The following MYOCD variants were observed in gnomAD, a reference collection of about 807,000 sequenced individuals.
MYOCD encodes myocardin.
In MYOCD, 32 loss-of-function variants were observed where a neutral mutation model predicts 96.1. The observed-to-expected ratio is 0.33, with a 90% confidence interval of 0.25 to 0.45. MYOCD has a LOEUF of 0.45. Among genes scored for constraint, MYOCD ranks in the 20% least tolerant of loss-of-function variants. The pLI, the probability that MYOCD is intolerant of heterozygous loss-of-function variation, is 1.00. For synonymous variants in MYOCD, 469 were observed against 469.0 expected (o/e 1.00, Z 0.00); for missense variants, 1,133 against 1,200.6 (o/e 0.94, Z 0.83).
intron 1 of MYOCD, among the ~76,000 whole-genome samples, chr17:12,699,505 T>C (rs2030955859): frequency 6.6e-6 from 1 of 152,214 alleles, no homozygotes; most frequent in Non-Finnish European, 1.5e-5. Context: ...ATGCCCGAAA[T>C]CAGTGTTCCA....
At position 12,746,670 on chromosome 17, in the gene MYOCD, T is replaced by A. The variant is rs895877501; in HGVS notation, c.1125+598T>A. Reference sequence around the variant, plus strand: ...ACACATGCTCAGAATCATTGGCTGGTGAGAGTTACGGTAATTAGTATAGGT... The same window carrying A: ...ACACATGCTCAGAATCATTGGCTGGAGAGAGTTACGGTAATTAGTATAGGT... On this transcript the variant is annotated intron_variant, in intron 9 of 13. Coordinates refer to ENST00000425538, the MANE Select transcript of MYOCD (RefSeq NM_001146312.3). Among the ~76,000 whole-genome samples, 11 of 150,250 alleles carry A rather than the reference T, an allele frequency of 7.3e-5. No individual in the cohort carries two copies. The East Asian group carries it at 2.2e-3, about 30-fold the overall frequency.
chr17:12,674,596 A>G (rs148586377), intron 1 of MYOCD, among the ~76,000 whole-genome samples: 162 of 152,330 alleles, frequency 1.1e-3, no homozygotes, highest in African/African-American at 3.4e-3. Context: ...AAAACAGACA[A>G]TTATTATCAG....
chr17:12,738,035 A>G (rs2032394771), intron 6 of MYOCD, among the ~76,000 whole-genome samples: 1 of 152,200 alleles, frequency 6.6e-6, no homozygotes, highest in African/African-American at 2.4e-5. Context: ...ATTTGTACAC[A>G]TTATTCTGAC....
intron 5 of MYOCD, among the ~76,000 whole-genome samples, chr17:12,724,563 T>C (rs1273586078): frequency 1.3e-5 from 2 of 152,280 alleles, no homozygotes; most frequent in East Asian, 3.9e-4. Flanking sequence ...AATTAATCTA[T>C]AGTCAAATCC....
At chr17:12,749,301 G>A (rs758218896) in intron 9 of MYOCD, among the ~76,000 whole-genome samples, 9 of 152,072 alleles carry the variant, frequency 5.9e-5, no homozygotes, top group Non-Finnish European at 8.8e-5. Flanking sequence ...GCCAAGGTGG[G>A]CGGATCGCTT....
intron 13 of MYOCD, 173 bp downstream of exon 13, chr17:12,760,880 G>A: frequency 1.7e-6 from 1 of 588,490 alleles, no homozygotes; most frequent in East Asian, 2.8e-5. Flanking sequence ...GATAAAAGAA[G>A]GCTTAGTGGA....
chr17:12,712,480 C>T (rs2031510437), intron 2 of MYOCD, among the ~76,000 whole-genome samples: 1 of 152,132 alleles, frequency 6.6e-6, no homozygotes, highest in Non-Finnish European at 1.5e-5. Flanking sequence ...TGTGGTTCCA[C>T]GACCTGTCTT....
At chr17:12,698,653 T>A (rs890442099) in intron 1 of MYOCD, among the ~76,000 whole-genome samples, 1 of 150,658 alleles carries the variant, frequency 6.6e-6, no homozygotes, top group Admixed American at 6.6e-5. Flanking sequence ...AAAAGAAGTA[T>A]GGAAATGAGT....
At chr17:12,670,820 C>A (rs948824857) in intron 1 of MYOCD, among the ~76,000 whole-genome samples, 2 of 152,140 alleles carry the variant, frequency 1.3e-5, no homozygotes, top group Non-Finnish European at 2.9e-5. Flanking sequence ...TATGAGAATA[C>A]AATTTAATGG....
At chr17:12,742,892 C>T (rs1344459319) in intron 7 of MYOCD, among the ~76,000 whole-genome samples, 1 of 151,960 alleles carries the variant, frequency 6.6e-6, no homozygotes, top group African/African-American at 2.4e-5. Context: ...TTTTTTTTAA[C>T]CTGATAACAG....
At chr17:12,680,921 G>A (rs1208184883) in intron 1 of MYOCD, among the ~76,000 whole-genome samples, 1 of 152,118 alleles carries the variant, frequency 6.6e-6, no homozygotes, top group Non-Finnish European at 1.5e-5. Context: ...CCCCAATAGA[G>A]CACCCCAAGA....
chr17:12,742,665 G>A (rs530988575), intron 7 of MYOCD, among the ~76,000 whole-genome samples: 1 of 152,018 alleles, frequency 6.6e-6, no homozygotes, highest in South Asian at 2.1e-4. Flanking sequence ...CCACCTCCTG[G>A]GTTCAAGCTA....
chr17:12,767,205 G>A lies in MYOCD; in HGVS notation c.*3561G>A, dbSNP rs1289801537. On this transcript the variant is annotated 3_prime_UTR_variant, in exon 14 of 14. Coordinates refer to ENST00000425538, the MANE Select transcript of MYOCD (RefSeq NM_001146312.3). ...TCTTAGCACTACAATAATTGTACCA[G>A]TAATTGAGGAAACCAAGACAATCTT... 1 of 152,080 alleles carries A rather than the reference G, an allele frequency of 6.6e-6. No homozygotes were observed. The allele number at this position is 152,080 out of a possible 1,614,324, so 9.4% of individuals were successfully genotyped here.
chr17:12,752,599 T>G lies in MYOCD; in HGVS notation c.1311T>G (p.Ser437=), dbSNP rs2032883069. The G allele has an allele frequency of 6.2e-7, 1 of 1,614,068 alleles. No individual in the cohort carries two copies. Among genetic ancestry groups the G allele is most frequent in the Non-Finnish European group, 8.5e-7 (1 of 1,180,050 alleles). ...PNTLPNYQSS[S]STSALSNGFY... Reference sequence around the variant, plus strand: ...CGCTGCCCAATTACCAGTCTTCCTCTTCTACCAGTGCCCTGTCCAACGGCT... The same window carrying G: ...CGCTGCCCAATTACCAGTCTTCCTCGTCTACCAGTGCCCTGTCCAACGGCT... Residue 437 remains serine (S), a synonymous_variant, in exon 10 of 14, where the codon TCT becomes TCG. Coordinates refer to ENST00000425538, the MANE Select transcript of MYOCD (RefSeq NM_001146312.3).
rs917831921 is a variant in MYOCD at position 12,767,636 on chromosome 17, C to G, written c.*3992C>G. 5 of 151,546 alleles carry G rather than the reference C, an allele frequency of 3.3e-5. No individual in the cohort carries two copies. Among genetic ancestry groups the G allele is most frequent in the African/African-American group, 1.2e-4 (5 of 41,278 alleles). The allele number at this position is 151,546 out of a possible 1,614,324, so 9.4% of individuals were successfully genotyped here. A position where few individuals can be genotyped will look rare whatever the true frequency, so the allele number is the denominator to read the frequency against. ...AAAAAAAAAAGGGGTCTTCATTTTT[C>G]CAAGAGGGGGTGGAGGTGGGGATCA... On this transcript the variant is annotated 3_prime_UTR_variant, in exon 14 of 14. Transcript: ENST00000425538.
At position 12,727,272 on chromosome 17, in the gene MYOCD, G is replaced by A. The variant is rs553683413; in HGVS notation, c.415+4264G>A. Among the ~76,000 whole-genome samples the A allele has an allele frequency of 5.3e-5, 8 of 152,274 alleles. No homozygotes were observed. In the East Asian group the frequency reaches 9.6e-4, roughly 18 times the overall value. Reference sequence around the variant, plus strand: ...AGCAGTAATGGGCAATTGAGCACCTGTTACTCATCTACGCATCAGCCTCTT... The same window carrying A: ...AGCAGTAATGGGCAATTGAGCACCTATTACTCATCTACGCATCAGCCTCTT... On this transcript the variant is annotated intron_variant, in intron 5 of 13. Coordinates refer to ENST00000425538, the MANE Select transcript of MYOCD (RefSeq NM_001146312.3).
intron 1 of MYOCD, among the ~76,000 whole-genome samples, chr17:12,704,621 C>G (rs1193867536): frequency 6.6e-6 from 1 of 152,154 alleles, no homozygotes; most frequent in African/African-American, 2.4e-5. Context: ...AATGTGCATA[C>G]ATTGTTTTAT....
chr17:12,750,559 C>T (rs1342695126), intron 9 of MYOCD, among the ~76,000 whole-genome samples: 5 of 151,890 alleles, frequency 3.3e-5, no homozygotes, highest in Admixed American at 6.6e-5. Flanking sequence ...TGTGGTGGTG[C>T]GTGCCTGTAA....
chr17:12,751,454 A>G (rs2032850346), intron 9 of MYOCD, among the ~76,000 whole-genome samples: 1 of 152,182 alleles, frequency 6.6e-6, no homozygotes, highest in East Asian at 1.9e-4. Flanking sequence ...ATACACTATC[A>G]TTTACCTAAC....
Sources: gnomAD v4.1 joint callset for allele counts (sites outside exome capture counted in the v4.1 genomes callset) on GRCh38, gnomAD v4.1.1 for gene constraint, MANE v1.5 for transcripts, NCBI Gene and HGNC (gene_info 2026-07-23, HGNC 2026-07-21) for gene names.